Variants in ZFHX3 observed in about 807,000 individuals in gnomAD.
ZFHX3 encodes zinc finger homeobox protein 3.
ZFHX3 carries 42 observed loss-of-function variants against 279.1 expected under a neutral mutation model. The ratio of observed to expected loss-of-function variants is 0.15; its 90% CI spans 0.12 to 0.19. The LOEUF is 0.19. Ranked by LOEUF, ZFHX3 falls within the 10% of genes least tolerant of loss-of-function variation. The probability of loss-of-function intolerance (pLI) is 1.00; values close to 1 mark genes in which losing one functional copy is unlikely to be tolerated. For missense variants in ZFHX3, 4,981 were observed against 4,754.0 expected (o/e 1.05, Z -1.40); for synonymous variants, 2,293 against 1,957.8 (o/e 1.17, Z -4.52).
chr16:73,215,632 C>G (rs1490243912), intron 5 of ZFHX3, among the ~76,000 whole-genome samples: 1 of 152,204 alleles, frequency 6.6e-6, no homozygotes, highest in East Asian at 1.9e-4. Flanking sequence ...GCCCCATACT[C>G]AACGTATCAC....
chr16:73,240,672 T>G (rs1403712069), intron 5 of ZFHX3, among the ~76,000 whole-genome samples: 4 of 152,216 alleles, frequency 2.6e-5, no homozygotes, highest in Non-Finnish European at 5.9e-5. Flanking sequence ...ATTGGGCGAC[T>G]TGATGTTTTC....
At chr16:73,170,234 T>TG (rs970971709) in intron 5 of ZFHX3, among the ~76,000 whole-genome samples, 11 of 135,496 alleles carry the variant, frequency 8.1e-5, no homozygotes, top group Admixed American at 4.5e-4. Flanking sequence ...TTTTTTTTTT[T>TG]TTTTTTTTTT....
In ZFHX3 at chr16:72,788,623, GGCTGGGCTGCTGGCGGCGGGGGAGGCT is replaced by G. The variant is rs745405002; in HGVS notation, c.9626_9652del (p.Gln3209_Gln3217del). Reference sequence around the variant, plus strand: ...CAGTGGGAGCTGTGGTGTGGGTGGCGGCTGGGCTGCTGGCGGCGGGGGAGGCTGCTGCACCTGTGGTTGCTGCTGCTG... The same window carrying G: ...CAGTGGGAGCTGTGGTGTGGGTGGCGGCTGCACCTGTGGTTGCTGCTGCTG... On this transcript the variant is annotated inframe_deletion, in exon 10 of 10. Transcript: ENST00000268489. 3 of 1,613,364 alleles carry G rather than the reference GGCTGGGCTGCTGGCGGCGGGGGAGGCT, an allele frequency of 1.9e-6. No individual in the cohort carries two copies. The African/African-American group carries it at 4.0e-5, about 22-fold the overall frequency.
chr16:73,652,861 C>A (rs1294597056), intron 2 of ZFHX3, among the ~76,000 whole-genome samples: 1 of 151,900 alleles, frequency 6.6e-6, no homozygotes, highest in Non-Finnish European at 1.5e-5. Context: ...AATACAATGG[C>A]AAATTTAACA....
chr16:73,464,024 T>G (rs531225389), intron 2 of ZFHX3, among the ~76,000 whole-genome samples: 1 of 152,342 alleles, frequency 6.6e-6, no homozygotes, highest in African/African-American at 2.4e-5. Context: ...AATGAACATT[T>G]AAGTGGATGC....
intron 1 of ZFHX3, among the ~76,000 whole-genome samples, chr16:73,816,917 A>C (rs1043556789): frequency 6.6e-6 from 1 of 152,198 alleles, no homozygotes; most frequent in African/African-American, 2.4e-5. Context: ...AGAAGATTTA[A>C]AGAAATCCAA....
intron 3 of ZFHX3, among the ~76,000 whole-genome samples, chr16:72,917,014 G>A (rs1167594206): frequency 6.6e-6 from 1 of 152,134 alleles, no homozygotes; most frequent in African/African-American, 2.4e-5. Context: ...CCAGGCAGGT[G>A]GATTGCTTGA....
intron 3 of ZFHX3, among the ~76,000 whole-genome samples, chr16:73,430,568 A>G (rs1051799795): frequency 1.4e-4 from 21 of 151,994 alleles, no homozygotes; most frequent in African/African-American, 4.6e-4. Flanking sequence ...TTCCAACATC[A>G]TTTTGGCTCA....
In ZFHX3 at chr16:73,637,216, A is replaced by AT. The variant is rs1179577622; in HGVS notation, c.-1547+42963dup. Among the ~76,000 whole-genome samples the AT allele has an allele frequency of 2.6e-3, 352 of 137,982 alleles. 1 individual carries two copies. Among genetic ancestry groups the AT allele is most frequent in the African/African-American group, 8.4e-3 (311 of 37,192 alleles). 90.5% of individuals were successfully genotyped at this position (137,982 alleles called of 152,430 possible). The stretch of plus-strand genomic sequence containing the variant: ...TGGGAGAAAATGAGGTTAAAACCAT[A>AT]TTTTTTTTTTGTTCTTTTTTTTTTT... On this transcript the variant is annotated intron_variant, in intron 2 of 17. Coordinates refer to the ZFHX3 transcript ENST00000641206.
intron 8 of ZFHX3, among the ~76,000 whole-genome samples, chr16:73,084,479 C>T (rs1270505760): frequency 6.6e-6 from 1 of 151,666 alleles, no homozygotes; most frequent in Non-Finnish European, 1.5e-5. Context: ...GAAAGCAATC[C>T]CACAGCTACA....
chr16:73,544,714 C>T (rs947725186), intron 2 of ZFHX3, among the ~76,000 whole-genome samples: 1 of 151,966 alleles, frequency 6.6e-6, no homozygotes, highest in Non-Finnish European at 1.5e-5. Flanking sequence ...GGGAGTGAGA[C>T]GGGGTTTTCG....
At chr16:73,458,702 C>T (rs1473606585) in intron 2 of ZFHX3, among the ~76,000 whole-genome samples, 1 of 152,132 alleles carries the variant, frequency 6.6e-6, no homozygotes. Flanking sequence ...TACCCCAGGT[C>T]ACCCCCAACC....
At chr16:73,891,751 TC>T (rs2030546200) in exon 1 of ZFHX3, 1 of 148,918 alleles carries the variant, frequency 6.7e-6, no homozygotes, top group Admixed American at 6.6e-5. Flanking sequence ...TCTCTCTCTC[TC>T]TCTCTCTCTC....
intron 3 of ZFHX3, among the ~76,000 whole-genome samples, chr16:73,388,277 A>C (rs2016941283): frequency 6.6e-6 from 1 of 152,146 alleles, no homozygotes; most frequent in African/African-American, 2.4e-5. Context: ...GCAGGTTTTT[A>C]AAGTCAGGGT....
chr16:72,890,081 AGCC>A, intron 3 of ZFHX3, 119 bp from the exon 4 acceptor site: 1 of 831,376 alleles, frequency 1.2e-6, no homozygotes. Context: ...ACATCTCCAC[AGCC>A]AAACAGGACA....
chr16:72,920,040 G>A (rs9934596), intron 3 of ZFHX3, among the ~76,000 whole-genome samples: 17,691 of 151,528 alleles, frequency 0.12, 1,485 homozygotes, highest in African/African-American at 0.24. Flanking sequence ...TGATTCACCC[G>A]CCTTGGCCTC....
At chr16:73,311,491 G>A (rs955473751) in intron 4 of ZFHX3, among the ~76,000 whole-genome samples, 10 of 150,370 alleles carry the variant, frequency 6.7e-5, no homozygotes, top group Non-Finnish European at 1.3e-4. Flanking sequence ...TGGGGAAGCT[G>A]AGGCACGAGA....
chr16:73,576,406 C>A (rs1312244710), intron 2 of ZFHX3, among the ~76,000 whole-genome samples: 1 of 152,132 alleles, frequency 6.6e-6, no homozygotes, highest in East Asian at 1.9e-4. Context: ...CACACTCACA[C>A]GTATGCATCA....
At chr16:73,746,291 C>G (rs948967172) in intron 1 of ZFHX3, among the ~76,000 whole-genome samples, 1 of 152,066 alleles carries the variant, frequency 6.6e-6, no homozygotes, top group African/African-American at 2.4e-5. Flanking sequence ...ATAAATTGTT[C>G]TATCACTGAA....
Sources: allele counts gnomAD v4.1 joint callset (sites outside exome capture counted in the v4.1 genomes callset), GRCh38; gene constraint gnomAD v4.1.1; transcripts MANE v1.5; gene names NCBI Gene and HGNC (gene_info 2026-07-23, HGNC 2026-07-21).